The following P2RX2 variants were observed in gnomAD, a reference collection of about 807,000 sequenced individuals.
P2RX2 encodes the protein purinergic receptor P2X 2.
Under a neutral mutation model 54.8 loss-of-function variants are expected in P2RX2, and 50 were observed. The observed-to-expected ratio is 0.91, with a 90% CI of 0.73 to 1.15. The LOEUF (loss-of-function observed/expected upper bound fraction) is 1.15, where lower values mean the gene tolerates loss of function less well. Ranked by LOEUF, P2RX2 falls within the 50% of genes most tolerant of loss-of-function variation. P2RX2 has a pLI of 0.00. For synonymous variants in P2RX2, 289 were observed against 259.4 expected, an observed-to-expected ratio of 1.11 and a Z score of -1.09; for missense variants, 658 against 633.2, an observed-to-expected ratio of 1.04 and a Z score of -0.42.
In P2RX2 at chr12:132,621,479, G is replaced by T. The variant is rs771356090; in HGVS notation, c.1001G>T (p.Gly334Val). Reference protein sequence around the residue: ...RIDVIVHGQAGKFSLIPTIIN... With the variant: ...RIDVIVHGQAVKFSLIPTIIN... Reference sequence around the variant, plus strand: ...CACGACCCCCATTCTCCCCAGGCCGGGAAGTTCAGCCTGATTCCCACCATT... The same window carrying T: ...CACGACCCCCATTCTCCCCAGGCCGTGAAGTTCAGCCTGATTCCCACCATT... The change falls in exon 10 of 11, where the codon GGG becomes GTG. Residue 334 changes from glycine to valine, a missense_variant. Transcript: ENST00000643471. 7.0e-6 allele frequency: 11 copies of T among 1,565,112 alleles called. No homozygotes were observed. In the Admixed American group the frequency reaches 1.4e-4, roughly 21 times the overall value.
At chr12:132,619,965 T>TC in intron 4 of P2RX2, 35 bp from the exon 5 acceptor site, 1 of 1,573,278 alleles carries the variant, frequency 6.4e-7, no homozygotes, top group Admixed American at 1.8e-5. Context: ...CAGGGCTGCG[T>TC]CCCCGCTAAT....
chr12:132,619,626 C>A (rs781245237), intron 2 of P2RX2, 52 bp downstream of exon 2: 8 of 1,585,148 alleles, frequency 5.0e-6, no homozygotes, highest in Middle Eastern at 1.7e-4. Flanking sequence ...CCCTAGTGGG[C>A]GGAGGGGGCA....
intron 8 of P2RX2, 30 bp downstream of exon 8, chr12:132,621,161 C>G: frequency 7.4e-6 from 12 of 1,614,018 alleles, no homozygotes; most frequent in Non-Finnish European, 9.3e-6. Flanking sequence ...GCTGTCCACA[C>G]TGGCATAGCT....
rs1318297418 is a variant in P2RX2, at chr12:132,621,387, C to T, written c.996+42C>T. 3.7e-6 allele frequency: 6 copies of T among 1,612,498 alleles called. No homozygotes were observed. The African/African-American group carries it at 4.0e-5, about 11-fold the overall frequency. Reference sequence around the variant, plus strand: ...GGGGTGGGTGGCCAGCCCTGCTAGCCTGGGTCTGAGCTCCTCACGCCCCAC... The same window carrying T: ...GGGGTGGGTGGCCAGCCCTGCTAGCTTGGGTCTGAGCTCCTCACGCCCCAC... On this transcript the variant is annotated intron_variant, in intron 9 of 10. Coordinates refer to ENST00000643471, the MANE Select transcript of P2RX2 (RefSeq NM_170682.4).
In P2RX2 at chr12:132,618,943, G is replaced by C; in HGVS notation, c.127G>C (p.Val43Leu). The change falls in exon 1 of 11, where the codon GTC becomes CTC. Residue 43 changes from valine to leucine, a missense_variant. Val to Leu is a conservative substitution (Grantham distance 32, BLOSUM62 1). Transcript: ENST00000643471. ...VIVVRNRRLG[V>L]LYRAVQLLIL... is the part of the protein sequence containing the mutation. ...CGTGGTGAGGAACCGGCGCCTGGGG[G>C]TCCTGTACCGCGCCGTGCAGCTGCT... 7.6e-7 allele frequency: 1 copy of C among 1,319,312 alleles called. No homozygotes were observed. Among genetic ancestry groups the C allele is most frequent in the Non-Finnish European group, 9.7e-7 (1 of 1,025,926 alleles). 81.7% of individuals were successfully genotyped at this position (1,319,312 alleles called of 1,614,324 possible).
intron 6 of P2RX2, 37 bp from the exon 7 acceptor site, chr12:132,620,408 T>A: frequency 6.2e-7 from 1 of 1,614,046 alleles, no homozygotes; most frequent in Non-Finnish European, 8.5e-7. Flanking sequence ...GAATGGGGTA[T>A]TTGGGGTGCA....
Position 132,622,309 on chromosome 12 carries a change from A to T in P2RX2, c.*337A>T, listed in dbSNP as rs1304549872. The T allele has an allele frequency of 1.0e-6, 1 of 961,880 alleles. No homozygotes were observed. The highest frequency in any genetic ancestry group is 1.3e-6 in the Non-Finnish European group (1 of 751,044). The allele number at this position is 961,880 out of a possible 1,614,324, so 59.6% of individuals were successfully genotyped here. On this transcript the variant is annotated 3_prime_UTR_variant, in exon 11 of 11. Coordinates refer to ENST00000643471, the MANE Select transcript of P2RX2 (RefSeq NM_170682.4). ...GGAACCCCACCCCACCCCACCCCAC[A>T]GGCGTTGTAACCTTGAATCTGCCCA...
Position 132,621,717 on chromosome 12 carries a change from C to T in P2RX2, c.1161C>T (p.Pro387=), listed in dbSNP as rs1052817167. Residue 387 remains proline, a synonymous_variant, in exon 11 of 11, where the codon CCC becomes CCT. Coordinates refer to ENST00000643471, the MANE Select transcript of P2RX2 (RefSeq NM_170682.4). ...ACAAGGTGTGTACGCCGAGCCACCC[C>T]TCAGGTAGCTGGCCTGTGACCCTTG... ...KFDKVCTPSH[P]SGSWPVTLAR... 2.5e-6 allele frequency: 4 copies of T among 1,612,832 alleles called. No homozygotes were observed. In the African/African-American group the frequency reaches 4.0e-5, roughly 16 times the overall value.
chr12:132,618,959 T>C lies in P2RX2; in HGVS notation c.143T>C (p.Val48Ala). The change falls in exon 1 of 11, where the codon GTG becomes GCG. Residue 48 changes from valine to alanine, a missense_variant. Coordinates refer to ENST00000643471, the MANE Select transcript of P2RX2 (RefSeq NM_170682.4). The part of the protein sequence containing the change: ...NRRLGVLYRA[V>A]QLLILLYFVW... ...CGCCTGGGGGTCCTGTACCGCGCCG[T>C]GCAGCTGCTCATCCTGCTCTACTTC... 1.6e-6 allele frequency: 2 copies of C among 1,286,694 alleles called. No individual in the cohort carries two copies. The highest frequency in any genetic ancestry group is 1.6e-5 in the African/African-American group (1 of 63,408). The allele number at this position is 1,286,694 out of a possible 1,614,324, so 79.7% of individuals were successfully genotyped here.
rs567569304 is a variant in P2RX2, at chr12:132,619,949, G to A, written c.457+30G>A. On this transcript the variant is annotated intron_variant, in intron 4 of 10. Transcript: ENST00000643471. ...GTGTGCGCCAGCTGGGGCTGGGCGG[G>A]TGGGGCAGGGCTGCGTCCCCGCTAA... is the stretch of plus-strand genomic sequence containing the variant. The A allele has an allele frequency of 3.2e-6, 5 of 1,569,844 alleles. No individual in the cohort carries two copies. In the South Asian group the frequency reaches 5.8e-5, roughly 18 times the overall value.
Position 132,620,118 on chromosome 12 carries a change from G to A in P2RX2, c.554+22G>A, listed in dbSNP as rs111705428. On this transcript the variant is annotated intron_variant, in intron 5 of 10. Transcript: ENST00000643471. Reference sequence around the variant, plus strand: ...TCAGGTGCACCTGCGCCCCGGCCTGGGGCCCAGCCTCCCCTCTGATCCTTT... The same window carrying A: ...TCAGGTGCACCTGCGCCCCGGCCTGAGGCCCAGCCTCCCCTCTGATCCTTT... 3.8e-3 allele frequency: 5,852 copies of A among 1,550,052 alleles called. 12 individuals carry two copies. The highest frequency in any genetic ancestry group is 4.8e-3 in the Non-Finnish European group (5,522 of 1,143,120).
chr12:132,619,786 CAGCT>C (rs2041565365), intron 3 of P2RX2, 36 bp downstream of exon 3: 1 of 1,609,496 alleles, frequency 6.2e-7, no homozygotes, highest in Non-Finnish European at 8.5e-7. Flanking sequence ...GACCCCGCCT[CAGCT>C]AGGCGGGCCA....
Position 132,621,638 on chromosome 12 carries a change from G to A in P2RX2, c.1082G>A (p.Trp361Ter), listed in dbSNP as rs1296309697. The change falls in exon 11 of 11, where the codon TGG (tryptophan) becomes TAG (stop). Residue 361 changes from tryptophan to a stop codon, truncating the protein, a stop_gained. Transcript: ENST00000643471. LOFTEE classifies it high-confidence loss of function. ...SVGVGSFLCD[W>*]ILLTFMNKNK... is the part of the protein sequence containing the mutation. ...CCCCAGGGCTCCTTCCTGTGCGACT[G>A]GATCTTGCTAACATTCATGAACAAA... 1.2e-6 allele frequency: 2 copies of A among 1,613,592 alleles called. No homozygotes were observed. The highest frequency in any genetic ancestry group is 2.2e-5 in the South Asian group (2 of 90,954).
chr12:132,618,952 C>T lies in P2RX2; in HGVS notation c.136C>T (p.Arg46Cys), dbSNP rs774203714. The T allele has an allele frequency of 1.5e-6, 2 of 1,298,878 alleles. No homozygotes were observed. Among genetic ancestry groups the T allele is most frequent in the Non-Finnish European group, 2.0e-6 (2 of 1,012,636 alleles). The allele number at this position is 1,298,878 out of a possible 1,614,324, so 80.5% of individuals were successfully genotyped here. Residue 46 changes from arginine to cysteine, a missense_variant, in exon 1 of 11, where the codon CGC becomes TGC. Arg to Cys is a radical substitution (Grantham distance 180). Coordinates refer to ENST00000643471, the MANE Select transcript of P2RX2 (RefSeq NM_170682.4). ...VRNRRLGVLY[R>C]AVQLLILLYF... ...GAACCGGCGCCTGGGGGTCCTGTAC[C>T]GCGCCGTGCAGCTGCTCATCCTGCT...
intron 8 of P2RX2, 38 bp downstream of exon 8, chr12:132,621,169 G>A (rs758747417): frequency 1.2e-6 from 2 of 1,614,034 alleles, no homozygotes; most frequent in South Asian, 2.2e-5. Context: ...CACTGGCATA[G>A]CTGTGGTGGG....
At chr12:132,621,371 G>A (rs2041673931) in intron 9 of P2RX2, 26 bp downstream of exon 9, 1 of 1,613,350 alleles carries the variant, frequency 6.2e-7, no homozygotes, top group Non-Finnish European at 8.5e-7. Flanking sequence ...GGGGGTGGGT[G>A]GCCAGCCCTG....
rs1319768798 is a variant in P2RX2 at position 132,622,241 on chromosome 12, C to T, written c.*269C>T. 2.2e-6 allele frequency: 3 copies of T among 1,373,852 alleles called. No homozygotes were observed. Among genetic ancestry groups the T allele is most frequent in the Non-Finnish European group, 2.8e-6 (3 of 1,066,482 alleles). The allele number at this position is 1,373,852 out of a possible 1,614,324, so 85.1% of individuals were successfully genotyped here. A position where few individuals can be genotyped will look rare whatever the true frequency, so the allele number is the denominator to read the frequency against. Reference sequence around the variant, plus strand: ...CTCTCACAGCCACCTGGAACCCAAGCCAGCTGAGCTCTGAGGGGCTCTGCT... The same window carrying T: ...CTCTCACAGCCACCTGGAACCCAAGTCAGCTGAGCTCTGAGGGGCTCTGCT... On this transcript the variant is annotated 3_prime_UTR_variant, in exon 11 of 11. Transcript: ENST00000643471.
chr12:132,619,286 G>C lies in P2RX2; in HGVS notation c.174-153G>C, dbSNP rs1305580356. ...GGCTGGGGCTGGGACCGGGGGCGCG[G>C]GGCAGGGGCTGGGGCTGGGACCGAG... is the stretch of plus-strand genomic sequence containing the variant. On this transcript the variant is annotated intron_variant, in intron 1 of 10. Transcript: ENST00000643471. 6.4e-5 allele frequency: 43 copies of C among 669,262 alleles called. No individual in the cohort carries two copies. In the East Asian group the frequency reaches 1.1e-3, roughly 17 times the overall value. 41.5% of individuals were successfully genotyped at this position (669,262 alleles called of 1,614,324 possible).
At position 132,622,301 on chromosome 12, in the gene P2RX2, CA is replaced by C; in HGVS notation, c.*330del. 5 of 1,105,974 alleles carry C rather than the reference CA, an allele frequency of 4.5e-6. No homozygotes were observed. Among genetic ancestry groups the C allele is most frequent in the Non-Finnish European group, 5.9e-6 (5 of 852,722 alleles). 68.5% of individuals were successfully genotyped at this position (1,105,974 alleles called of 1,614,324 possible). ...GGGCCCTGGGAACCCCACCCCACCC[CA>C]CCCCACAGGCGTTGTAACCTTGAAT... On this transcript the variant is annotated 3_prime_UTR_variant, in exon 11 of 11. Coordinates refer to ENST00000643471, the MANE Select transcript of P2RX2 (RefSeq NM_170682.4).
Sources: allele counts gnomAD v4.1 joint callset, GRCh38; gene constraint gnomAD v4.1.1; transcripts MANE v1.5; gene names NCBI Gene and HGNC (gene_info 2026-07-23, HGNC 2026-07-21).